Variants in SCD5 observed in about 807,000 individuals in gnomAD.
The protein encoded by SCD5 is stearoyl-CoA desaturase 5, also known as acyl-CoA-desaturase 4.
In SCD5, 20 loss-of-function variants were observed where a neutral mutation model predicts 30.4. The observed-to-expected ratio is 0.66, with a 90% CI of 0.46 to 0.96. The LOEUF is 0.96. Ranked by LOEUF, SCD5 falls within the 40% of genes least tolerant of loss-of-function variation. The pLI is 0.00. For missense variants in SCD5, 381 were observed against 443.3 expected (o/e 0.86, Z 1.26); for synonymous variants, 173 against 176.4 (o/e 0.98, Z 0.16).
intron 3 of SCD5, among the ~76,000 whole-genome samples, chr4:82,641,328 T>C (rs1398703975): frequency 6.8e-6 from 1 of 147,110 alleles, no homozygotes; most frequent in African/African-American, 2.5e-5. Flanking sequence ...AGCAGGGGTA[T>C]ACTGGCAGAG....
intron 3 of SCD5, among the ~76,000 whole-genome samples, chr4:82,674,072 G>A (rs566015798): frequency 2.6e-5 from 4 of 152,206 alleles, no homozygotes; most frequent in African/African-American, 9.6e-5. Flanking sequence ...CATAGAAAAT[G>A]TAGATGACTC....
intron 1 of SCD5, among the ~76,000 whole-genome samples, chr4:82,751,743 C>T (rs2148842501): frequency 6.6e-6 from 1 of 152,316 alleles, no homozygotes; most frequent in South Asian, 2.1e-4. Flanking sequence ...TCTCCTGCCT[C>T]AGCCTACCGA....
At chr4:82,705,669 C>T (rs565540290) in intron 1 of SCD5, among the ~76,000 whole-genome samples, 1 of 152,308 alleles carries the variant, frequency 6.6e-6, no homozygotes. Flanking sequence ...CTTTTATTTG[C>T]TAATGTTTCT....
intron 1 of SCD5, among the ~76,000 whole-genome samples, chr4:82,745,685 C>A (rs1720968072): frequency 1.3e-5 from 2 of 152,168 alleles, no homozygotes; most frequent in Non-Finnish European, 2.9e-5. Context: ...GATTTTTAAA[C>A]TTTGTGTTGG....
chr4:82,740,427 TA>T (rs1213779839), intron 1 of SCD5, among the ~76,000 whole-genome samples: 1 of 152,178 alleles, frequency 6.6e-6, no homozygotes, highest in Non-Finnish European at 1.5e-5. Context: ...GTTTGGGTAT[TA>T]TGGAGCCAGT....
chr4:82,753,294 A>T (rs779791887), intron 1 of SCD5: 17 of 506,334 alleles, frequency 3.4e-5, no homozygotes, highest in Non-Finnish European at 7.0e-5. Flanking sequence ...TATGTGTGTT[A>T]AAAGCTCCCT....
intron 4 of SCD5, among the ~76,000 whole-genome samples, chr4:82,635,553 A>G (rs6832951): frequency 0.26 from 38,009 of 148,528 alleles, 6,148 homozygotes; most frequent in African/African-American, 0.42. Context: ...CCTGGGAGGC[A>G]GAGCTTGCAG....
At chr4:82,704,606 C>T (rs114152688) in intron 2 of SCD5, among the ~76,000 whole-genome samples, 305 of 152,264 alleles carry the variant, frequency 2.0e-3, no homozygotes, top group Non-Finnish European at 1.8e-3. Flanking sequence ...TTATAACAAC[C>T]CTGAGAATGA....
intron 1 of SCD5, among the ~76,000 whole-genome samples, chr4:82,743,354 TAAAA>T (rs926938691): frequency 5.3e-5 from 8 of 151,620 alleles, no homozygotes; most frequent in Admixed American, 2.6e-4. Flanking sequence ...CTACAAAAAA[TAAAA>T]AACAAAAATT....
At chr4:82,744,200 A>G (rs1720939334) in intron 1 of SCD5, among the ~76,000 whole-genome samples, 1 of 152,146 alleles carries the variant, frequency 6.6e-6, no homozygotes, top group Non-Finnish European at 1.5e-5. Context: ...TTGTCTGTTT[A>G]CAATTTCTCC....
At chr4:82,722,920 T>G (rs1449741892) in intron 1 of SCD5, among the ~76,000 whole-genome samples, 1 of 151,266 alleles carries the variant, frequency 6.6e-6, no homozygotes, top group East Asian at 1.9e-4. Flanking sequence ...ATACAAAAAT[T>G]ACAAAAACTA....
intron 3 of SCD5, among the ~76,000 whole-genome samples, chr4:82,648,108 T>C (rs1450199874): frequency 6.6e-6 from 1 of 152,198 alleles, no homozygotes; most frequent in Non-Finnish European, 1.5e-5. Flanking sequence ...GGACAGTGTG[T>C]TACTGCACTG....
intron 2 of SCD5, among the ~76,000 whole-genome samples, chr4:82,688,216 C>CCAACATGT (rs1238108978): frequency 4.6e-5 from 7 of 152,148 alleles, no homozygotes; most frequent in Non-Finnish European, 2.9e-5. Context: ...GAAACCAGGA[C>CCAACATGT]CAACATGTCA....
chr4:82,784,644 T>C (rs1721948724), intron 1 of SCD5, among the ~76,000 whole-genome samples: 1 of 152,256 alleles, frequency 6.6e-6, no homozygotes, highest in Admixed American at 6.5e-5. Flanking sequence ...CTGTAATACC[T>C]TTCTTTACAT....
intron 1 of SCD5, among the ~76,000 whole-genome samples, chr4:82,720,378 A>C (rs940097870): frequency 7.0e-6 from 1 of 142,446 alleles, no homozygotes; most frequent in Non-Finnish European, 1.5e-5. Flanking sequence ...GGCTGCAGTG[A>C]GTTGTAATCA....
At chr4:82,734,187 G>C (rs957874997) in intron 1 of SCD5, among the ~76,000 whole-genome samples, 1 of 152,218 alleles carries the variant, frequency 6.6e-6, no homozygotes, top group Admixed American at 6.5e-5. Flanking sequence ...ATGCAGAAAT[G>C]TGGCACTGGC....
At chr4:82,631,896 CAAGA>C (rs1420230025) in intron 4 of SCD5, among the ~76,000 whole-genome samples, 1 of 151,582 alleles carries the variant, frequency 6.6e-6, no homozygotes, top group African/African-American at 2.4e-5. Context: ...TGGAAGAGCT[CAAGA>C]GAGACAAATG....
At chr4:82,637,543 G>A (rs77726765) in intron 3 of SCD5, among the ~76,000 whole-genome samples, 1 of 152,220 alleles carries the variant, frequency 6.6e-6, no homozygotes, top group Non-Finnish European at 1.5e-5. Context: ...GACAAGTTAG[G>A]TGAAGCCCCT....
intron 1 of SCD5, among the ~76,000 whole-genome samples, chr4:82,728,535 A>G (rs1720555173): frequency 6.6e-6 from 1 of 152,100 alleles, no homozygotes; most frequent in South Asian, 2.1e-4. Flanking sequence ...CTATTGTAGA[A>G]CCTAAGATTG....
Sources: gnomAD v4.1 joint callset for allele counts (sites outside exome capture counted in the v4.1 genomes callset) on GRCh38, gnomAD v4.1.1 for gene constraint, MANE v1.5 for transcripts, NCBI Gene and HGNC (gene_info 2026-07-23, HGNC 2026-07-21) for gene names.